Variants in NUMA1 observed in about 807,000 individuals in gnomAD.
NUMA1 encodes the protein SP-H antigen.
In NUMA1, 62 loss-of-function variants were observed where a neutral mutation model predicts 237.1. The ratio of observed to expected loss-of-function variants is 0.26; its 90% CI spans 0.21 to 0.32. NUMA1 has a LOEUF of 0.32. NUMA1 is among the 10% of genes least tolerant of loss of function. The pLI, the probability that NUMA1 is intolerant of heterozygous loss-of-function variation, is 1.00. For missense variants in NUMA1, 2,533 were observed against 2,666.5 expected, an observed-to-expected ratio of 0.95 and a Z score of 1.10; for synonymous variants, 1,028 against 1,066.1, an observed-to-expected ratio of 0.96 and a Z score of 0.70.
At chr11:72,007,660 A>G in intron 20 of NUMA1, 1 of 594,482 alleles carries the variant, frequency 1.7e-6, no homozygotes. Flanking sequence ...CAATGCCCAG[A>G]CCCAGATGTC....
At position 72,013,430 on chromosome 11, in the gene NUMA1, C is replaced by T. The variant is rs1477739942; in HGVS notation, c.4073G>A (p.Ser1358Asn). Residue 1358 changes from serine to asparagine, a missense_variant, in exon 15 of 27, where the codon AGT becomes AAT. Physicochemically the swap from Ser to Asn is conservative, Grantham distance 46 (BLOSUM62 1). Coordinates refer to ENST00000393695, the MANE Select transcript of NUMA1 (RefSeq NM_006185.4). This position sits in a 1 kb window ranked among gnomAD's most constrained non-coding sequence, Gnocchi z 6.8. ...LEHTSTQALV[S>N]ELLPAKHLCQ... Reference sequence around the variant, plus strand: ...GAGGTGCTTAGCTGGCAGCAGCTCACTCACCAGGGCCTGTGTGCTGGTGTG... The same window carrying T: ...GAGGTGCTTAGCTGGCAGCAGCTCATTCACCAGGGCCTGTGTGCTGGTGTG... The T allele has an allele frequency of 9.9e-6, 16 of 1,613,080 alleles. No homozygotes were observed. Among genetic ancestry groups the T allele is most frequent in the Non-Finnish European group, 1.3e-5 (15 of 1,180,020 alleles).
Position 72,014,539 on chromosome 11 carries a change from C to T in NUMA1, c.2964G>A (p.Leu988=). 2 of 1,602,206 alleles carry T rather than the reference C, an allele frequency of 1.2e-6. No individual in the cohort carries two copies. Among genetic ancestry groups the T allele is most frequent in the Non-Finnish European group, 1.7e-6 (2 of 1,179,968 alleles). The stretch of plus-strand genomic sequence containing the variant: ...CCTGCTGCTGCCCCTGGCTCTCCAT[C>T]AGCGCGGCCCGCAGCCGTTCCAGCT... ...GNELERLRAA[L]MESQGQQQEE... is the part of the protein sequence containing the mutation. The change falls in exon 15 of 27, where the codon CTG becomes CTA. Residue 988 remains leucine, a synonymous_variant. Coordinates refer to ENST00000393695, the MANE Select transcript of NUMA1 (RefSeq NM_006185.4). This position sits in a 1 kb window ranked among gnomAD's most constrained non-coding sequence, Gnocchi z 4.6.
chr11:72,056,635 T>TA lies in NUMA1; in HGVS notation c.-33+13206dup, dbSNP rs59248999. ...GCGCCTGACCAAGATCCCATCTCTT[T>TA]AAAAAAAAAAAAAAAAAAAAAAAAA... On this transcript the variant is annotated intron_variant, in intron 2 of 26. Transcript: ENST00000393695. Among the ~76,000 whole-genome samples, 466 of 75,928 alleles carry TA rather than the reference T, an allele frequency of 6.1e-3. 11 individuals are homozygous for TA. Among genetic ancestry groups the TA allele is most frequent in the African/African-American group, 0.028 (431 of 15,366 alleles). 49.8% of individuals were successfully genotyped at this position (75,928 alleles called of 152,430 possible).
At chr11:72,007,824 G>A (rs1329796729) in intron 20 of NUMA1, 5 of 352,628 alleles carry the variant, frequency 1.4e-5, no homozygotes, top group South Asian at 2.4e-5. Flanking sequence ...ATCCAATGTC[G>A]TCCTGCTTGG....
intron 2 of NUMA1, among the ~76,000 whole-genome samples, chr11:72,060,353 T>G (rs1942876122): frequency 6.6e-6 from 1 of 152,184 alleles, no homozygotes; most frequent in South Asian, 2.1e-4. Flanking sequence ...AAACAATAAC[T>G]TGCCTAAGCA....
chr11:72,023,124 G>C lies in NUMA1; in HGVS notation c.232C>G (p.Pro78Ala). Residue 78 changes from proline to alanine, a missense_variant, in exon 6 of 27, where the codon CCA becomes GCA. Around this residue, in one of 3 missense-constraint regions of NUMA1, gnomAD observed 1,414 missense variants for 1,508.1 expected, o/e 0.94. Coordinates refer to ENST00000393695, the MANE Select transcript of NUMA1 (RefSeq NM_006185.4). Reference protein sequence around the residue: ...LQKNRKHPSSPECLVSAQKVL... With the variant: ...LQKNRKHPSSAECLVSAQKVL... ...TTCTGTGCAGATACCAGGCATTCTG[G>C]GGAAGAGGGATGTTTTCGATTTTCT... The C allele has an allele frequency of 6.2e-7, 1 of 1,613,808 alleles. No individual in the cohort carries two copies.
Position 72,014,317 on chromosome 11 carries a change from C to T in NUMA1, c.3186G>A (p.Lys1062=). 1.2e-6 allele frequency: 2 copies of T among 1,613,920 alleles called. No homozygotes were observed. Among genetic ancestry groups the T allele is most frequent in the Non-Finnish European group, 1.7e-6 (2 of 1,180,056 alleles). ...LAHALTEKEG[K]DQELAKLRGL... is the part of the protein sequence containing the mutation. ...CACGAAGCTTGGCCAACTCCTGGTCCTTGCCTTCCTTTTCCGTCAGGGCAT... is the reference window on the plus strand; with the variant it reads ...CACGAAGCTTGGCCAACTCCTGGTCTTTGCCTTCCTTTTCCGTCAGGGCAT... Residue 1062 remains lysine (K), a synonymous_variant, in exon 15 of 27, where the codon AAG becomes AAA. Coordinates refer to ENST00000393695, the MANE Select transcript of NUMA1 (RefSeq NM_006185.4). The surrounding 1 kb of genome is among the most constrained non-coding windows in gnomAD (Gnocchi z 4.6).
chr11:72,022,074 C>T, intron 7 of NUMA1: 1 of 317,572 alleles, frequency 3.1e-6, no homozygotes, highest in African/African-American at 2.2e-5. Context: ...TCCTAAAACA[C>T]ATTACAGTTA....
At chr11:72,066,970 T>C (rs1000076172) in intron 2 of NUMA1, 3 of 152,160 alleles carry the variant, frequency 2.0e-5, no homozygotes, top group African/African-American at 7.2e-5. Context: ...GTTATACATA[T>C]AGCATGAGTG....
intron 1 of NUMA1, among the ~76,000 whole-genome samples, chr11:72,070,991 G>A (rs1297866076): frequency 4.1e-5 from 6 of 146,232 alleles, no homozygotes; most frequent in Non-Finnish European, 6.1e-5. Flanking sequence ...CTCTAGACCT[G>A]TCTGATGCCA....
intron 2 of NUMA1, among the ~76,000 whole-genome samples, chr11:72,069,189 A>G (rs1943336304): frequency 6.6e-6 from 1 of 152,244 alleles, no homozygotes; most frequent in South Asian, 2.1e-4. Flanking sequence ...CAACTATTAT[A>G]TCACTTTATA....
intron 2 of NUMA1, among the ~76,000 whole-genome samples, chr11:72,046,817 G>C (rs1037725862): frequency 1.3e-5 from 2 of 151,756 alleles, no homozygotes; most frequent in African/African-American, 4.8e-5. Context: ...AAAATTAGCT[G>C]AGTGTGGTGG....
At chr11:72,007,147 G>A (rs772816272) in intron 21 of NUMA1, 42 bp downstream of exon 21, 6 of 1,597,146 alleles carry the variant, frequency 3.8e-6, no homozygotes, top group Non-Finnish European at 4.2e-6. Flanking sequence ...TTGAGAGGAA[G>A]TGGGAATTGC....
intron 1 of NUMA1, among the ~76,000 whole-genome samples, chr11:72,078,733 AG>A (rs767227762): frequency 7.2e-5 from 11 of 152,278 alleles, no homozygotes; most frequent in Non-Finnish European, 1.3e-4. Context: ...TTCACAAAAA[AG>A]TATGTGGTTC....
chr11:72,017,948 C>G, intron 12 of NUMA1, 121 bp from the exon 13 acceptor site: 4 of 1,206,578 alleles, frequency 3.3e-6, no homozygotes, highest in African/African-American at 1.5e-5. Flanking sequence ...CTCTACAAAC[C>G]AATCACAGCC....
chr11:72,044,650 T>C (rs4338555), intron 2 of NUMA1, among the ~76,000 whole-genome samples: 125,563 of 141,236 alleles, frequency 0.89, 56,221 homozygotes, highest in Non-Finnish European at 0.95. Context: ...TTGGGGACTT[T>C]CTATGCTGTA....
chr11:72,073,221 G>A (rs557524661), intron 1 of NUMA1, among the ~76,000 whole-genome samples: 1 of 150,688 alleles, frequency 6.6e-6, no homozygotes, highest in South Asian at 2.1e-4. Flanking sequence ...TTAGCCGGGT[G>A]TAGTCCCAGC....
chr11:72,014,729 T>G lies in NUMA1; in HGVS notation c.2774A>C (p.Lys925Thr), dbSNP rs758489127. The G allele has an allele frequency of 6.2e-7, 1 of 1,614,130 alleles. No homozygotes were observed. The highest frequency in any genetic ancestry group is 1.1e-5 in the South Asian group (1 of 91,088). The change falls in exon 15 of 27, where the codon AAG (lysine) becomes ACG (threonine). Residue 925 changes from lysine (K) to threonine (T), a missense_variant. Physicochemically the swap from Lys to Thr is moderately conservative, Grantham distance 78. Coordinates refer to ENST00000393695, the MANE Select transcript of NUMA1 (RefSeq NM_006185.4). This position sits in a 1 kb window ranked among gnomAD's most constrained non-coding sequence, Gnocchi z 4.6. ...EVARLETLVRKAGEQQETASR... is the reference protein window; with the variant it reads ...EVARLETLVRTAGEQQETASR... Reference sequence around the variant, plus strand: ...GGCTGTTTCCTGCTGCTCACCTGCCTTGCGCACCAAGGTCTCCAAGCGGGC... The same window carrying G: ...GGCTGTTTCCTGCTGCTCACCTGCCGTGCGCACCAAGGTCTCCAAGCGGGC...
intron 2 of NUMA1, among the ~76,000 whole-genome samples, chr11:72,061,488 T>TTCC (rs760304359): frequency 4.3e-5 from 1 of 23,154 alleles, no homozygotes; most frequent in Non-Finnish European, 1.4e-4. Context: ...TTCTTTTCTT[T>TTCC]TTTTTTTTTT....
Sources: allele counts gnomAD v4.1 joint callset (sites outside exome capture counted in the v4.1 genomes callset), GRCh38; gene constraint gnomAD v4.1.1; regional missense constraint gnomAD v4.1.1; non-coding constraint Gnocchi (gnomAD v3.1); transcripts MANE v1.5; gene names NCBI Gene and HGNC (gene_info 2026-07-23, HGNC 2026-07-21).